Variants in CAST observed in about 807,000 individuals in gnomAD.
The protein encoded by CAST is calpastatin.
In CAST, 76 loss-of-function variants were observed where a neutral mutation model predicts 119.6. The observed-to-expected ratio is 0.64, with a 90% CI of 0.53 to 0.77. The LOEUF is 0.77. Ranked by LOEUF, CAST falls within the 30% of genes least tolerant of loss-of-function variation. CAST has a pLI of 0.00. For missense variants in CAST, 953 were observed against 946.5 expected (o/e 1.01, Z -0.09); for synonymous variants, 319 against 331.6 (o/e 0.96, Z 0.41).
chr5:96,571,799 G>A (rs1031278571), intron 1 of CAST, among the ~76,000 whole-genome samples: 5 of 152,096 alleles, frequency 3.3e-5, no homozygotes, highest in African/African-American at 4.8e-5. Context: ...TCATTATAAC[G>A]CATGCTTATC....
At chr5:96,001,450 A>G in the CAST span, among the ~76,000 whole-genome samples, 1 of 152,206 alleles carries the variant, frequency 6.6e-6, no homozygotes. Flanking sequence ...CATGGGACAG[A>G]GGAATTTCAG....
chr5:95,980,775 G>A, the CAST span, among the ~76,000 whole-genome samples: 5,781 of 152,110 alleles, frequency 0.038, 183 homozygotes, highest in Admixed American at 0.076. Context: ...GGCAGAGAAG[G>A]CATGTCAGGC....
intron 1 of CAST, among the ~76,000 whole-genome samples, chr5:96,534,801 G>A (rs547107453): frequency 1.1e-4 from 12 of 108,492 alleles, no homozygotes; most frequent in South Asian, 2.9e-4. Context: ...AAGAAAGAAA[G>A]AAGAAAGAAA....
chr5:96,145,734 A>G, the CAST span, among the ~76,000 whole-genome samples: 5 of 152,182 alleles, frequency 3.3e-5, no homozygotes, highest in Non-Finnish European at 7.3e-5. Flanking sequence ...CTTCCCCTCA[A>G]ACTTGGTGGT....
At chr5:96,513,964 G>A in the CAST span, among the ~76,000 whole-genome samples, 1 of 152,174 alleles carries the variant, frequency 6.6e-6, no homozygotes, top group African/African-American at 2.4e-5. Context: ...GTTTGCAGCT[G>A]CATGAGTCCA....
At chr5:96,145,591 C>G in the CAST span, among the ~76,000 whole-genome samples, 2 of 151,936 alleles carry the variant, frequency 1.3e-5, no homozygotes, top group African/African-American at 4.8e-5. Context: ...TTGCAAGGAG[C>G]CATGTTAAGT....
At chr5:96,005,497 T>C in the CAST span, among the ~76,000 whole-genome samples, 1 of 152,170 alleles carries the variant, frequency 6.6e-6, no homozygotes, top group Non-Finnish European at 1.5e-5. Flanking sequence ...ATACATTATT[T>C]AGAAACAGAG....
At chr5:96,238,387 T>TCTTCTCCTC in the CAST span, among the ~76,000 whole-genome samples, 1 of 149,660 alleles carries the variant, frequency 6.7e-6, no homozygotes, top group East Asian at 2.0e-4. Context: ...TTCTTCTCCT[T>TCTTCTCCTC]CTTCTTCTTC....
At chr5:96,415,239 A>G in the CAST span, among the ~76,000 whole-genome samples, 2 of 152,188 alleles carry the variant, frequency 1.3e-5, no homozygotes, top group Admixed American at 1.3e-4. Flanking sequence ...AACTGAAGAC[A>G]CCAGCAAGAG....
intron 24 of CAST, among the ~76,000 whole-genome samples, chr5:96,758,127 T>C (rs996693156): frequency 3.9e-5 from 6 of 152,174 alleles, no homozygotes; most frequent in Non-Finnish European, 8.8e-5. Flanking sequence ...CATGAAATAC[T>C]GTCCCAACAT....
intron 1 of CAST, among the ~76,000 whole-genome samples, chr5:96,566,870 AG>A (rs1746477495): frequency 6.6e-6 from 1 of 152,236 alleles, no homozygotes; most frequent in Non-Finnish European, 1.5e-5. Context: ...ATGGTCATTG[AG>A]TTTGTAAAAC....
chr5:96,513,450 G>A, the CAST span, among the ~76,000 whole-genome samples: 2 of 152,164 alleles, frequency 1.3e-5, no homozygotes, highest in Non-Finnish European at 2.9e-5. Context: ...GGATGGGCAG[G>A]GAAATCTCCA....
chr5:96,361,992 C>T, the CAST span, among the ~76,000 whole-genome samples: 13 of 152,084 alleles, frequency 8.5e-5, no homozygotes, highest in Admixed American at 7.9e-4. Flanking sequence ...CTTCCCCACA[C>T]CCCACGACAG....
intron 3 of CAST, chr5:96,703,063 C>CCAGGGTCGCGATAGTA: frequency 4.7e-6 from 2 of 426,400 alleles, no homozygotes; most frequent in Non-Finnish European, 6.3e-6. Context: ...CCTACTATCG[C>CCAGGGTCGCGATAGTA]GACCCTGGCG....
intron 17 of CAST, 124 bp from the exon 18 acceptor site, chr5:96,747,221 C>T: frequency 1.5e-6 from 1 of 655,000 alleles, no homozygotes; most frequent in Non-Finnish European, 2.8e-6. Flanking sequence ...AACACAAACT[C>T]ATGTAAATCT....
At chr5:96,219,271 T>A in the CAST span, among the ~76,000 whole-genome samples, 1 of 152,324 alleles carries the variant, frequency 6.6e-6, no homozygotes, top group African/African-American at 2.4e-5. Flanking sequence ...CTCTTATTTT[T>A]CTTCCCCATC....
At chr5:96,187,438 G>A in the CAST span, among the ~76,000 whole-genome samples, 3 of 152,008 alleles carry the variant, frequency 2.0e-5, no homozygotes, top group Admixed American at 1.3e-4. Context: ...GTGATGTTAG[G>A]TTGTTAACTT....
At chr5:96,104,075 G>A in the CAST span, among the ~76,000 whole-genome samples, 4 of 152,050 alleles carry the variant, frequency 2.6e-5, no homozygotes, top group African/African-American at 4.8e-5. Flanking sequence ...ACTTTTTGAT[G>A]GGGTTGTTTG....
the CAST span, among the ~76,000 whole-genome samples, chr5:96,389,546 G>C: frequency 6.6e-6 from 1 of 152,164 alleles, no homozygotes; most frequent in Middle Eastern, 3.2e-3. Context: ...CAGTTCCCAA[G>C]GGGAGAAAGG....
Sources: gnomAD v4.1 joint callset for allele counts (sites outside exome capture counted in the v4.1 genomes callset) on GRCh38, gnomAD v4.1.1 for gene constraint, MANE v1.5 for transcripts, NCBI Gene and HGNC (gene_info 2026-07-23, HGNC 2026-07-21) for gene names.